TAFA2: variants seen among roughly 807,000 people sequenced by gnomAD.
The protein encoded by TAFA2 is TAFA chemokine like family member 2, also known as chemokine-like protein TAFA-2.
TAFA2 carries 7 observed loss-of-function variants against 18.8 expected under a neutral mutation model. That is an observed-to-expected ratio of 0.37 (90% CI 0.21 to 0.70). The LOEUF (loss-of-function observed/expected upper bound fraction) is 0.70. Among genes scored for constraint, TAFA2 ranks in the 30% least tolerant of loss-of-function variants. TAFA2 has a pLI of 0.53. For missense variants in TAFA2, 122 were observed against 158.1 expected, an observed-to-expected ratio of 0.77 and a Z score of 1.23; for synonymous variants, 60 against 54.2, an observed-to-expected ratio of 1.11 and a Z score of -0.47.
chr12:61,840,488 T>C (rs1565652489), intron 2 of TAFA2, among the ~76,000 whole-genome samples: 1 of 145,382 alleles, frequency 6.9e-6, no homozygotes, highest in Non-Finnish European at 1.5e-5. Context: ...TTGACAAATC[T>C]TCTTTTAATT....
intron 2 of TAFA2, among the ~76,000 whole-genome samples, chr12:61,807,532 C>T (rs1871671167): frequency 6.6e-6 from 1 of 151,264 alleles, no homozygotes; most frequent in South Asian, 2.1e-4. Flanking sequence ...CCTAATGGAG[C>T]TGTGAGATGA....
upstream of TAFA2, among the ~76,000 whole-genome samples, chr12:62,196,278 T>C (rs1010383642): frequency 1.1e-4 from 16 of 152,354 alleles, no homozygotes; most frequent in East Asian, 1.2e-3. Context: ...GCTTTCTCTA[T>C]GTCAGCAATA....
chr12:62,016,152 G>C (rs2136721081), intron 1 of TAFA2, among the ~76,000 whole-genome samples: 1 of 152,322 alleles, frequency 6.6e-6, no homozygotes, highest in African/African-American at 2.4e-5. Context: ...CACATGTACA[G>C]AACTCTGGGT....
At chr12:62,213,965 G>A (rs1592403912) in intron 1 of TAFA2, among the ~76,000 whole-genome samples, 1 of 152,098 alleles carries the variant, frequency 6.6e-6, no homozygotes, top group South Asian at 2.1e-4. Context: ...CAGAGATATC[G>A]AATCAAGTTC....
At chr12:62,069,979 A>G (rs1882586281) in intron 1 of TAFA2, among the ~76,000 whole-genome samples, 1 of 152,206 alleles carries the variant, frequency 6.6e-6, no homozygotes, top group South Asian at 2.1e-4. Context: ...ATACACTTGC[A>G]TGCAAGTTTT....
rs955671263 is a variant in TAFA2, at chr12:62,043,464, G to A, written c.-2+147795C>T. On this transcript the variant is annotated intron_variant, in intron 1 of 4. Coordinates refer to ENST00000416284, the MANE Select transcript of TAFA2 (RefSeq NM_178539.5). ...AACATCACACTCCGGGGACTGTTGT[G>A]AGGTGGGGGTAGGGGGGAGGGATAG... 4.6e-5 allele frequency among the ~76,000 whole-genome samples: 7 copies of A among 151,598 alleles called. No homozygotes were observed. The South Asian group carries it at 6.3e-4, about 14-fold the overall frequency.
At chr12:61,806,706 C>T (rs145054322) in intron 2 of TAFA2, among the ~76,000 whole-genome samples, 2,457 of 152,278 alleles carry the variant, frequency 0.016, 67 homozygotes, top group African/African-American at 0.056. Flanking sequence ...CAATAAAGTC[C>T]AGGCTGAGGT....
chr12:61,755,298 C>T (rs1197360646), intron 2 of TAFA2, among the ~76,000 whole-genome samples: 1 of 152,082 alleles, frequency 6.6e-6, no homozygotes, highest in African/African-American at 2.4e-5. Context: ...GCAGTATGTG[C>T]CGTCATCAAA....
chr12:62,199,233 T>C (rs1458647977), intron 1 of TAFA2, among the ~76,000 whole-genome samples: 1 of 152,210 alleles, frequency 6.6e-6, no homozygotes, highest in Non-Finnish European at 1.5e-5. Flanking sequence ...TGGATACATG[T>C]GCAAGACGTC....
intron 1 of TAFA2, among the ~76,000 whole-genome samples, chr12:62,093,500 A>T (rs1199179243): frequency 6.6e-6 from 1 of 152,044 alleles, no homozygotes; most frequent in Non-Finnish European, 1.5e-5. Flanking sequence ...TTTCATTTCA[A>T]ACCGGTTACA....
intron 1 of TAFA2, among the ~76,000 whole-genome samples, chr12:62,115,225 A>T (rs1869911468): frequency 6.6e-6 from 1 of 152,110 alleles, no homozygotes; most frequent in Non-Finnish European, 1.5e-5. Context: ...TGAAAACACC[A>T]AAATTTGCAC....
chr12:61,852,982 G>A (rs1265718243), intron 2 of TAFA2, among the ~76,000 whole-genome samples: 2 of 152,098 alleles, frequency 1.3e-5, no homozygotes, highest in Admixed American at 1.3e-4. Flanking sequence ...CTAACATACA[G>A]GATAGCAACT....
chr12:61,854,381 A>C (rs2121172685), intron 2 of TAFA2, among the ~76,000 whole-genome samples: 1 of 152,264 alleles, frequency 6.6e-6, no homozygotes, highest in Admixed American at 6.5e-5. Context: ...AGTTTAGGAG[A>C]TCAAACAGCC....
At chr12:61,915,362 T>C (rs966498187) in intron 1 of TAFA2, among the ~76,000 whole-genome samples, 15 of 152,202 alleles carry the variant, frequency 9.9e-5, no homozygotes, top group Non-Finnish European at 1.8e-4. Flanking sequence ...AATCCTTTGA[T>C]GACAAGGAAC....
In TAFA2 at chr12:61,718,340, A is replaced by T. The variant is rs116610890; in HGVS notation, c.385-7923T>A. On this transcript the variant is annotated intron_variant, in intron 4 of 4. Coordinates refer to ENST00000416284, the MANE Select transcript of TAFA2 (RefSeq NM_178539.5). ...GATCAGCCGTTTCTCTCTGGATGAC[A>T]TTCAATGCTAGCAAAACAAAGCATT... 8.2e-3 allele frequency among the ~76,000 whole-genome samples: 1,242 copies of T among 152,304 alleles called. 10 individuals are homozygous for T. Among genetic ancestry groups the T allele is most frequent in the African/African-American group, 0.026 (1,088 of 41,570 alleles).
intron 1 of TAFA2, among the ~76,000 whole-genome samples, chr12:61,915,242 C>T (rs1234741052): frequency 3.9e-5 from 6 of 152,282 alleles, no homozygotes; most frequent in African/African-American, 1.4e-4. Flanking sequence ...AATTCTCTTT[C>T]GATTAATAGA....
At chr12:61,814,339 G>A (rs528704441) in intron 2 of TAFA2, among the ~76,000 whole-genome samples, 1 of 151,422 alleles carries the variant, frequency 6.6e-6, no homozygotes, top group Non-Finnish European at 1.5e-5. Flanking sequence ...AAGTTGTGGA[G>A]GTAACAGGAG....
At chr12:61,927,116 C>T (rs1240565088) in intron 1 of TAFA2, among the ~76,000 whole-genome samples, 2 of 150,986 alleles carry the variant, frequency 1.3e-5, no homozygotes, top group Non-Finnish European at 2.9e-5. Flanking sequence ...GACAAGGATG[C>T]CCTCTTTCAC....
At chr12:62,074,967 G>A (rs567769209) in intron 1 of TAFA2, among the ~76,000 whole-genome samples, 1 of 152,078 alleles carries the variant, frequency 6.6e-6, no homozygotes, top group East Asian at 1.9e-4. Context: ...CTCCCAAAGT[G>A]CTGGGATTAC....
Sources: allele counts gnomAD v4.1 joint callset (sites outside exome capture counted in the v4.1 genomes callset), GRCh38; gene constraint gnomAD v4.1.1; transcripts MANE v1.5; gene names NCBI Gene and HGNC (gene_info 2026-07-23, HGNC 2026-07-21).